The following PACSIN2 variants were observed in gnomAD, a reference collection of about 807,000 sequenced individuals.
PACSIN2 encodes the protein protein kinase C and casein kinase substrate in neurons 2.
In PACSIN2, 25 loss-of-function variants were observed where a neutral mutation model predicts 63.8. That is an observed-to-expected ratio of 0.39 (90% CI 0.29 to 0.55). The LOEUF (loss-of-function observed/expected upper bound fraction) is 0.55, where lower values mean the gene tolerates loss of function less well. Among genes scored for constraint, PACSIN2 ranks in the 20% least tolerant of loss-of-function variants. The pLI is 0.62. For synonymous variants in PACSIN2, 255 were observed against 256.2 expected (o/e 1.00, Z 0.05); for missense variants, 518 against 646.9 (o/e 0.80, Z 2.16).
chr22:42,898,997 A>T (rs553191936), intron 2 of PACSIN2, among the ~76,000 whole-genome samples: 7 of 152,130 alleles, frequency 4.6e-5, no homozygotes, highest in Non-Finnish European at 7.4e-5. Context: ...CATCTGTTGT[A>T]AACAGTCCAG....
intron 1 of PACSIN2, among the ~76,000 whole-genome samples, chr22:42,971,502 G>A (rs1296202477): frequency 6.6e-6 from 1 of 152,020 alleles, no homozygotes; most frequent in Non-Finnish European, 1.5e-5. Context: ...CTGCCCGGCC[G>A]CCACCCCATC....
chr22:43,012,740 C>T (rs111453195), intron 1 of PACSIN2, among the ~76,000 whole-genome samples: 11,571 of 152,020 alleles, frequency 0.076, 584 homozygotes, highest in Non-Finnish European at 0.11. Flanking sequence ...GCAACCTCCG[C>T]CTCCTGGGTT....
At chr22:42,957,976 C>G (rs1274468488) in intron 1 of PACSIN2, among the ~76,000 whole-genome samples, 1 of 151,940 alleles carries the variant, frequency 6.6e-6, no homozygotes, top group East Asian at 1.9e-4. Flanking sequence ...AATGTCAATG[C>G]TCTTTGTACT....
rs551668093 is a variant in PACSIN2, at chr22:42,881,562, C to T, written c.906+622G>A. Among the ~76,000 whole-genome samples, 10 of 152,350 alleles carry T rather than the reference C, an allele frequency of 6.6e-5. No individual in the cohort carries two copies. The South Asian group carries it at 2.1e-3, about 32-fold the overall frequency. ...GGGCACCAGGACCTTTGCCCACTGC[C>T]TTCAGGGTGCCAGGTGGGGCCTAGT... On this transcript the variant is annotated intron_variant, in intron 7 of 10. Transcript: ENST00000263246.
At chr22:42,974,836 G>A (rs551066832) in intron 1 of PACSIN2, among the ~76,000 whole-genome samples, 2 of 151,894 alleles carry the variant, frequency 1.3e-5, no homozygotes, top group Non-Finnish European at 2.9e-5. Context: ...AAGAAGAGGA[G>A]GAGGAGGACG....
At chr22:42,879,705 G>A (rs2040847632) in intron 7 of PACSIN2, among the ~76,000 whole-genome samples, 2 of 152,338 alleles carry the variant, frequency 1.3e-5, no homozygotes, top group African/African-American at 4.8e-5. Context: ...AGTTGGCTTC[G>A]GAGACCTGAG....
intron 1 of PACSIN2, among the ~76,000 whole-genome samples, chr22:42,964,479 A>C (rs1364995968): frequency 6.6e-6 from 1 of 151,596 alleles, no homozygotes; most frequent in Non-Finnish European, 1.5e-5. Flanking sequence ...TTGGGTTGTT[A>C]ATAGAATACC....
At chr22:43,009,856 ATTTTTTCTATTTTT>A (rs1424260443) in intron 1 of PACSIN2, among the ~76,000 whole-genome samples, 1 of 110,846 alleles carries the variant, frequency 9.0e-6, no homozygotes, top group East Asian at 2.9e-4. Context: ...ACATCATTTT[ATTTTTTCTATTTTT>A]TTTTTTTTTT....
At chr22:42,877,302 C>T (rs944312654) in intron 8 of PACSIN2, among the ~76,000 whole-genome samples, 25 of 152,156 alleles carry the variant, frequency 1.6e-4, no homozygotes, top group Non-Finnish European at 2.1e-4. Flanking sequence ...TGACAAGCCA[C>T]AGCTGGAGCA....
intron 1 of PACSIN2, among the ~76,000 whole-genome samples, chr22:42,992,958 G>GT (rs1158304166): frequency 2.0e-5 from 3 of 152,298 alleles, no homozygotes; most frequent in African/African-American, 7.2e-5. Flanking sequence ...GAGCTCAGGA[G>GT]TTTGAGACCA....
chr22:42,893,763 G>A (rs1930090521), intron 2 of PACSIN2, 150 bp from the exon 3 acceptor site: 2 of 690,316 alleles, frequency 2.9e-6, no homozygotes. Flanking sequence ...GGCACTCCGT[G>A]TAGTTAGATA....
At chr22:42,982,888 A>AAAAAAACAAAAAAAAAAAC (rs759532303) in intron 1 of PACSIN2, among the ~76,000 whole-genome samples, 1 of 105,158 alleles carries the variant, frequency 9.5e-6, no homozygotes, top group Non-Finnish European at 2.1e-5. Flanking sequence ...AAAAAAAAAA[A>AAAAAAACAAAAAAAAAAAC]AACAACAACA....
At chr22:43,005,061 TA>T (rs573191421) in intron 1 of PACSIN2, among the ~76,000 whole-genome samples, 33 of 152,382 alleles carry the variant, frequency 2.2e-4, no homozygotes, top group Admixed American at 4.6e-4. Flanking sequence ...AACATTAATC[TA>T]AAAGTAAAAG....
At chr22:42,892,378 A>C (rs926185240) in intron 3 of PACSIN2, among the ~76,000 whole-genome samples, 2 of 152,144 alleles carry the variant, frequency 1.3e-5, no homozygotes, top group African/African-American at 2.4e-5. Context: ...GCTTGGAGAC[A>C]ACAGAGAACA....
intron 1 of PACSIN2, among the ~76,000 whole-genome samples, chr22:42,925,036 G>A (rs894027748): frequency 2.0e-5 from 3 of 151,748 alleles, no homozygotes; most frequent in Non-Finnish European, 2.9e-5. Context: ...GAGCCACTGC[G>A]TCCGGCCCCA....
intron 1 of PACSIN2, among the ~76,000 whole-genome samples, chr22:42,951,403 C>G (rs1034527214): frequency 6.6e-6 from 1 of 152,158 alleles, no homozygotes; most frequent in Admixed American, 6.5e-5. Context: ...GACCCTCTCC[C>G]TCCTGTGACC....
intron 3 of PACSIN2, among the ~76,000 whole-genome samples, chr22:42,891,698 G>A (rs1247462247): frequency 1.3e-5 from 2 of 152,082 alleles, no homozygotes; most frequent in Admixed American, 6.5e-5. Context: ...GAGCCACCGC[G>A]CCCGGCCATG....
At chr22:42,952,487 T>G (rs1247200434) in intron 1 of PACSIN2, among the ~76,000 whole-genome samples, 1 of 151,460 alleles carries the variant, frequency 6.6e-6, no homozygotes, top group African/African-American at 2.4e-5. Context: ...GCCTCCTGAT[T>G]AGCTGGGACT....
chr22:42,983,489 C>CAAAAAAAAAA lies in PACSIN2; in HGVS notation c.-78+31522_-78+31531dup, dbSNP rs775403003. 3.5e-4 allele frequency among the ~76,000 whole-genome samples: 29 copies of CAAAAAAAAAA among 82,238 alleles called. 4 individuals are homozygous for CAAAAAAAAAA. Among genetic ancestry groups the CAAAAAAAAAA allele is most frequent in the East Asian group, 2.5e-3 (7 of 2,838 alleles). The allele number at this position is 82,238 out of a possible 152,430, so 54.0% of individuals were successfully genotyped here. A position where few individuals can be genotyped will look rare whatever the true frequency, so the allele number is the denominator to read the frequency against. ...TGGACAACAGAGTGAGACTCCATCT[C>CAAAAAAAAAA]AAAAAAAAAAAAAAAAAAACAGATA... On this transcript the variant is annotated intron_variant, in intron 1 of 10. Coordinates refer to ENST00000263246, the MANE Select transcript of PACSIN2 (RefSeq NM_001184970.3).
Sources: allele counts gnomAD v4.1 joint callset (sites outside exome capture counted in the v4.1 genomes callset), GRCh38; gene constraint gnomAD v4.1.1; transcripts MANE v1.5; gene names NCBI Gene and HGNC (gene_info 2026-07-23, HGNC 2026-07-21).